Variants in OR1J2 observed in about 807,000 individuals in gnomAD.
OR1J2 encodes olfactory receptor 1J2.
For missense variants in OR1J2, 304 were observed against 246.1 expected (o/e 1.24, Z -1.57); for synonymous variants, 142 against 99.7 (o/e 1.42, Z -2.52).
At chr9:122,541,748 T>C in the OR1J2 span, among the ~76,000 whole-genome samples, 1 of 152,212 alleles carries the variant, frequency 6.6e-6, no homozygotes, top group Non-Finnish European at 1.5e-5. Context: ...CTTCCCCAAA[T>C]TGTGCTTCCC....
chr9:122,580,386 G>A, the OR1J2 span, among the ~76,000 whole-genome samples: 1 of 152,154 alleles, frequency 6.6e-6, no homozygotes, highest in Non-Finnish European at 1.5e-5. Context: ...AATGAATGCC[G>A]AGTGCCAATG....
the OR1J2 span, among the ~76,000 whole-genome samples, chr9:122,464,172 G>A: frequency 6.6e-6 from 1 of 152,102 alleles, no homozygotes; most frequent in Non-Finnish European, 1.5e-5. Context: ...TGTTCCCAGG[G>A]GAATTATGGT....
the OR1J2 span, chr9:122,519,195 A>G: frequency 6.2e-7 from 1 of 1,613,898 alleles, no homozygotes; most frequent in African/African-American, 1.3e-5. Flanking sequence ...GGACCTCCCC[A>G]TCTGGCCAGA....
the OR1J2 span, among the ~76,000 whole-genome samples, chr9:122,579,686 G>A: frequency 6.6e-6 from 1 of 152,188 alleles, no homozygotes; most frequent in South Asian, 2.1e-4. Flanking sequence ...TAAGGGGTAT[G>A]GTGTCATAAT....
the OR1J2 span, among the ~76,000 whole-genome samples, chr9:122,541,996 T>G: frequency 3.3e-5 from 5 of 152,234 alleles, no homozygotes; most frequent in African/African-American, 1.2e-4. Flanking sequence ...TCTGAGGCAC[T>G]GTCCTCTCAG....
At chr9:122,540,273 T>A in the OR1J2 span, among the ~76,000 whole-genome samples, 5 of 152,064 alleles carry the variant, frequency 3.3e-5, no homozygotes, top group South Asian at 4.1e-4. Context: ...TCTTTAATCC[T>A]TCTTGAATTA....
chr9:122,472,918 G>A, the OR1J2 span, among the ~76,000 whole-genome samples: 68 of 152,256 alleles, frequency 4.5e-4, no homozygotes, highest in East Asian at 6.9e-3. Flanking sequence ...TCCTGTCAAC[G>A]AATTAATACT....
chr9:122,455,000 C>A, the OR1J2 span, among the ~76,000 whole-genome samples: 1 of 152,206 alleles, frequency 6.6e-6, no homozygotes. Context: ...GCTTCTTTCA[C>A]TTTACATAAT....
At chr9:122,463,942 A>C in the OR1J2 span, among the ~76,000 whole-genome samples, 4 of 152,190 alleles carry the variant, frequency 2.6e-5, no homozygotes, top group Non-Finnish European at 4.4e-5. Context: ...CATGAGCTAC[A>C]TTAGCACATC....
chr9:122,486,712 T>A, the OR1J2 span, among the ~76,000 whole-genome samples: 2 of 152,150 alleles, frequency 1.3e-5, no homozygotes, highest in Non-Finnish European at 2.9e-5. Context: ...GAAAGTAGGG[T>A]TTACAGAGTA....
chr9:122,553,466 G>A, the OR1J2 span: 10 of 1,613,980 alleles, frequency 6.2e-6, no homozygotes, highest in Non-Finnish European at 8.5e-6. Flanking sequence ...CCAAAATGCT[G>A]GCCAACATTC....
At chr9:122,528,298 T>C in the OR1J2 span, among the ~76,000 whole-genome samples, 1 of 152,204 alleles carries the variant, frequency 6.6e-6, no homozygotes, top group South Asian at 2.1e-4. Context: ...GAGATGCTTA[T>C]TTAAAATCCT....
At chr9:122,465,001 T>C in the OR1J2 span, among the ~76,000 whole-genome samples, 1 of 152,176 alleles carries the variant, frequency 6.6e-6, no homozygotes, top group Non-Finnish European at 1.5e-5. Flanking sequence ...ATTCTTTTCT[T>C]CCTCTATTTC....
chr9:122,490,595 T>C, the OR1J2 span, among the ~76,000 whole-genome samples: 1 of 151,996 alleles, frequency 6.6e-6, no homozygotes, highest in African/African-American at 2.4e-5. Flanking sequence ...GTCAACAACA[T>C]AGAGGCAGAG....
the OR1J2 span, among the ~76,000 whole-genome samples, chr9:122,528,903 G>C: frequency 6.6e-6 from 1 of 152,184 alleles, no homozygotes; most frequent in African/African-American, 2.4e-5. Flanking sequence ...TTAAAAATCA[G>C]CTATCTTTTC....
At chr9:122,553,443 T>C in the OR1J2 span, 1 of 1,614,190 alleles carries the variant, frequency 6.2e-7, no homozygotes, top group Non-Finnish European at 8.5e-7. Flanking sequence ...CTGTTTCACT[T>C]CTGCCTCCAT....
the OR1J2 span, among the ~76,000 whole-genome samples, chr9:122,483,785 T>G: frequency 1.3e-5 from 2 of 152,238 alleles, no homozygotes; most frequent in Non-Finnish European, 2.9e-5. Context: ...TATGTTTTAC[T>G]TCTCTTTATT....
At chr9:122,457,830 A>C in the OR1J2 span, among the ~76,000 whole-genome samples, 1 of 152,164 alleles carries the variant, frequency 6.6e-6, no homozygotes, top group East Asian at 1.9e-4. Context: ...TTATTAGTCT[A>C]ATGCAACTTC....
chr9:122,514,201 T>C (rs563981341), downstream of OR1J2, among the ~76,000 whole-genome samples: 8 of 152,338 alleles, frequency 5.3e-5, no homozygotes, highest in Admixed American at 5.2e-4. Flanking sequence ...CATGGGTATA[T>C]TGCATGATGC....
Sources: gnomAD v4.1 joint callset for allele counts (sites outside exome capture counted in the v4.1 genomes callset) on GRCh38, gnomAD v4.1.1 for gene constraint, MANE v1.5 for transcripts, NCBI Gene and HGNC (gene_info 2026-07-23, HGNC 2026-07-21) for gene names.